Variants in FLACC1 observed in about 807,000 individuals in gnomAD.
FLACC1 encodes flagellum associated containing coiled-coil domains 1.
FLACC1 carries 66 observed loss-of-function variants against 62.8 expected under a neutral mutation model. That is an observed-to-expected ratio of 1.05 (90% CI 0.86 to 1.29). FLACC1 has a LOEUF of 1.29. Among genes scored for constraint, FLACC1 ranks in the 50% most tolerant of loss-of-function variants. The pLI, the probability that FLACC1 is intolerant of heterozygous loss-of-function variation, is 0.00. For missense variants in FLACC1, 452 were observed against 489.1 expected, an observed-to-expected ratio of 0.92 and a Z score of 0.71; for synonymous variants, 156 against 161.0, an observed-to-expected ratio of 0.97 and a Z score of 0.24.
chr2:201,299,176 T>G (rs766717160), intron 12 of FLACC1, 62 bp downstream of exon 12: 100 of 1,439,408 alleles, frequency 6.9e-5, no homozygotes, highest in Non-Finnish European at 9.1e-5. Context: ...TACTGACAGC[T>G]TGTTATTTTA....
At position 201,346,964 on chromosome 2, in the gene FLACC1, A is replaced by G. The variant is rs1950928430; in HGVS notation, c.235-289T>C. Among the ~76,000 whole-genome samples the G allele has an allele frequency of 6.6e-6, 1 of 152,154 alleles. No homozygotes were observed. Among genetic ancestry groups the G allele is most frequent in the African/African-American group, 2.4e-5 (1 of 41,428 alleles). On this transcript the variant is annotated intron_variant, in intron 4 of 14. Coordinates refer to ENST00000392257, the MANE Select transcript of FLACC1 (RefSeq NM_001127391.3). The surrounding 1 kb of genome is among the most constrained non-coding windows in gnomAD (Gnocchi z 4.0). ...GTTCACCCTCGTGGCCAGAGCCCAGAGGAGGTGGGCATGCGGCAACTGCTC... is the reference window on the plus strand; with the variant it reads ...GTTCACCCTCGTGGCCAGAGCCCAGGGGAGGTGGGCATGCGGCAACTGCTC...
intron 7 of FLACC1, among the ~76,000 whole-genome samples, chr2:201,337,171 T>C (rs1312620777): frequency 6.6e-6 from 1 of 152,232 alleles, no homozygotes; most frequent in Non-Finnish European, 1.5e-5. Flanking sequence ...TTTGTTTTTG[T>C]TGCCTGTGCT....
intron 11 of FLACC1, among the ~76,000 whole-genome samples, chr2:201,304,172 C>G (rs1377953173): frequency 1.3e-5 from 2 of 152,162 alleles, no homozygotes; most frequent in Non-Finnish European, 2.9e-5. Context: ...AATTGTATAT[C>G]TAGAAAACCC....
intron 9 of FLACC1, among the ~76,000 whole-genome samples, chr2:201,329,836 A>G (rs1324104271): frequency 6.6e-6 from 1 of 152,248 alleles, no homozygotes; most frequent in Non-Finnish European, 1.5e-5. Flanking sequence ...GCATCACACA[A>G]TAACTTGTAC....
At position 201,330,773 on chromosome 2, in the gene FLACC1, G is replaced by T; in HGVS notation, c.585C>A (p.Ala195=). Residue 195 remains alanine (A), a synonymous_variant, in exon 8 of 15, where the codon GCC becomes GCA. Coordinates refer to ENST00000392257, the MANE Select transcript of FLACC1 (RefSeq NM_001127391.3). ...GGGCAGCCAACTTCTCTGCCTTCAA[G>T]GCTGCTTTGTAGTTGTTCTCCAACT... ...LSELENNYKA[A]LKAEKLAAQE... is the part of the protein sequence containing the mutation. 6.2e-7 allele frequency: 1 copy of T among 1,613,892 alleles called. No individual in the cohort carries two copies. The highest frequency in any genetic ancestry group is 8.5e-7 in the Non-Finnish European group (1 of 1,180,002).
intron 9 of FLACC1, among the ~76,000 whole-genome samples, chr2:201,322,412 C>G (rs1304741596): frequency 6.6e-6 from 1 of 152,098 alleles, no homozygotes; most frequent in Non-Finnish European, 1.5e-5. Flanking sequence ...CACATTGCTA[C>G]TACAACCAGC....
chr2:201,341,482 T>C (rs1202355106), intron 7 of FLACC1, among the ~76,000 whole-genome samples: 1 of 149,714 alleles, frequency 6.7e-6, no homozygotes, highest in Non-Finnish European at 1.5e-5. Context: ...TTTTACTATA[T>C]ATATACACTC....
Position 201,326,104 on chromosome 2 carries a change from A to T in FLACC1, c.675+4366T>A, listed in dbSNP as rs1304377566. ...TCAATAGATTCAGAAAAAGCATTTAATAAAATCCAGCATCCTTCATAATTA... is the reference window on the plus strand; with the variant it reads ...TCAATAGATTCAGAAAAAGCATTTATTAAAATCCAGCATCCTTCATAATTA... On this transcript the variant is annotated intron_variant, in intron 9 of 14. Transcript: ENST00000392257. The surrounding 1 kb of genome is among the most constrained non-coding windows in gnomAD (Gnocchi z 4.1). Among the ~76,000 whole-genome samples the T allele has an allele frequency of 6.6e-6, 1 of 152,244 alleles. No homozygotes were observed. The highest frequency in any genetic ancestry group is 1.9e-4 in the East Asian group (1 of 5,204).
At chr2:201,330,640 A>AACC in intron 8 of FLACC1, 96 bp downstream of exon 8, 1 of 1,532,412 alleles carries the variant, frequency 6.5e-7, no homozygotes, top group Non-Finnish European at 9.0e-7. Context: ...AAGGTAGTAA[A>AACC]ACCTTTGTGT....
At chr2:201,351,168 G>A (rs894855876) in intron 2 of FLACC1, 124 bp downstream of exon 2, 7 of 843,674 alleles carry the variant, frequency 8.3e-6, no homozygotes, top group South Asian at 3.5e-5. Flanking sequence ...TGGGGAAAGC[G>A]AGGCTTTCTG....
intron 9 of FLACC1, among the ~76,000 whole-genome samples, chr2:201,311,989 AG>A: frequency 6.6e-6 from 1 of 152,344 alleles, no homozygotes; most frequent in South Asian, 2.1e-4. Flanking sequence ...AATGGGCAAA[AG>A]CTGGAAGCAT....
chr2:201,311,980 A>C (rs1328950247), intron 9 of FLACC1, among the ~76,000 whole-genome samples: 1 of 152,240 alleles, frequency 6.6e-6, no homozygotes, highest in Non-Finnish European at 1.5e-5. Context: ...ATCCTACTGA[A>C]TGGGCAAAAG....
intron 7 of FLACC1, among the ~76,000 whole-genome samples, 164 bp from the exon 8 acceptor site, chr2:201,330,997 T>G (rs1950583944): frequency 1.3e-5 from 2 of 149,130 alleles, no homozygotes; most frequent in South Asian, 4.3e-4. Flanking sequence ...TGAGTCAGAG[T>G]CTCCCTCTGT....
intron 12 of FLACC1, among the ~76,000 whole-genome samples, chr2:201,291,832 G>T (rs1211416295): frequency 6.6e-6 from 1 of 152,186 alleles, no homozygotes; most frequent in Non-Finnish European, 1.5e-5. Context: ...AGTCCTTAAA[G>T]GACCTGATGG....
chr2:201,345,406 G>A (rs1378524680), intron 5 of FLACC1, among the ~76,000 whole-genome samples: 2 of 151,650 alleles, frequency 1.3e-5, no homozygotes, highest in Non-Finnish European at 2.9e-5. Context: ...CACTGCTAAC[G>A]GTTTGGTTGA....
rs765161491 is a variant in FLACC1 at position 201,326,610 on chromosome 2, A to G, written c.675+3860T>C. 6.6e-5 allele frequency among the ~76,000 whole-genome samples: 10 copies of G among 152,208 alleles called. No homozygotes were observed. Among genetic ancestry groups the G allele is most frequent in the African/African-American group, 9.6e-5 (4 of 41,464 alleles). ...AAAATACTTAGGAATGTACTTAACC[A>G]AGGAGGTGAAAGATCTCTACAAGGA... On this transcript the variant is annotated intron_variant, in intron 9 of 14. Coordinates refer to ENST00000392257, the MANE Select transcript of FLACC1 (RefSeq NM_001127391.3). This position sits in a 1 kb window ranked among gnomAD's most constrained non-coding sequence, Gnocchi z 4.1.
intron 12 of FLACC1, among the ~76,000 whole-genome samples, chr2:201,295,454 T>C (rs1216095854): frequency 6.6e-6 from 1 of 152,062 alleles, no homozygotes; most frequent in African/African-American, 2.4e-5. Flanking sequence ...AACTGGCTAG[T>C]CATATGTAGA....
upstream of FLACC1, among the ~76,000 whole-genome samples, chr2:201,360,080 C>T (rs1553618465): frequency 6.6e-6 from 1 of 152,330 alleles, no homozygotes; most frequent in South Asian, 2.1e-4. Context: ...ACTTGGGTAT[C>T]CCCATTCTCC....
chr2:201,291,348 C>T (rs1050602562), intron 12 of FLACC1, among the ~76,000 whole-genome samples: 1 of 152,236 alleles, frequency 6.6e-6, no homozygotes, highest in African/African-American at 2.4e-5. Context: ...AACAATCAGA[C>T]AGCAACATTT....
Sources: gnomAD v4.1 joint callset for allele counts (sites outside exome capture counted in the v4.1 genomes callset) on GRCh38, gnomAD v4.1.1 for gene constraint, Gnocchi (gnomAD v3.1) non-coding constraint, MANE v1.5 for transcripts, NCBI Gene and HGNC (gene_info 2026-07-23, HGNC 2026-07-21) for gene names.